Variants in SEMA5B observed in about 807,000 individuals in gnomAD.
SEMA5B encodes the protein semaphorin 5B.
A neutral mutation model predicts 135.0 loss-of-function variants in SEMA5B; 66 were observed. That is an observed-to-expected ratio of 0.49 (90% confidence interval 0.40 to 0.60). The LOEUF (loss-of-function observed/expected upper bound fraction) is 0.60, where lower values mean the gene tolerates loss of function less well. Among genes scored for constraint, SEMA5B ranks in the 20% least tolerant of loss-of-function variants. The pLI, the probability that SEMA5B is intolerant of heterozygous loss-of-function variation, is 0.00. For missense variants in SEMA5B, 1,501 were observed against 1,566.3 expected (o/e 0.96, Z 0.70); for synonymous variants, 690 against 639.5 (o/e 1.08, Z -1.19).
At chr3:122,999,608 ATGAGCCTCTACCTCC>A (rs1458903625) in intron 1 of SEMA5B, among the ~76,000 whole-genome samples, 1 of 151,956 alleles carries the variant, frequency 6.6e-6, no homozygotes. Flanking sequence ...GTAACCACAA[ATGAGCCTCTACCTCC>A]TGGGGCTGAG....
chr3:123,013,877 A>G (rs1418618204), intron 1 of SEMA5B, among the ~76,000 whole-genome samples: 1 of 152,228 alleles, frequency 6.6e-6, no homozygotes, highest in Non-Finnish European at 1.5e-5. Flanking sequence ...GCTGCTGCTC[A>G]TCGATCTGGG....
chr3:122,919,875 G>A (rs1938262693), intron 12 of SEMA5B, among the ~76,000 whole-genome samples: 1 of 152,140 alleles, frequency 6.6e-6, no homozygotes, highest in African/African-American at 2.4e-5. Context: ...TTTGTGCCTT[G>A]CTCCAGGGCA....
chr3:122,994,394 T>C (rs1941972893), intron 1 of SEMA5B, among the ~76,000 whole-genome samples: 2 of 152,218 alleles, frequency 1.3e-5, no homozygotes, highest in Admixed American at 1.3e-4. Flanking sequence ...CCTCCTTCTT[T>C]GCAAACAATT....
intron 1 of SEMA5B, among the ~76,000 whole-genome samples, chr3:122,995,687 A>G (rs1371317449): frequency 6.6e-6 from 1 of 152,092 alleles, no homozygotes; most frequent in Non-Finnish European, 1.5e-5. Flanking sequence ...TCATGGGGAG[A>G]TCATGGCTGG....
chr3:122,924,224 C>T (rs1365816359), intron 9 of SEMA5B, among the ~76,000 whole-genome samples: 2 of 152,170 alleles, frequency 1.3e-5, no homozygotes, highest in Non-Finnish European at 2.9e-5. Flanking sequence ...TATGCCATAG[C>T]CTGCCACACC....
chr3:122,996,150 G>T (rs554351455), intron 1 of SEMA5B, among the ~76,000 whole-genome samples: 1 of 152,240 alleles, frequency 6.6e-6, no homozygotes, highest in African/African-American at 2.4e-5. Flanking sequence ...GCCTAAGAGG[G>T]TCCCAAGGGA....
At chr3:122,996,856 AG>A (rs1181537551) in intron 1 of SEMA5B, among the ~76,000 whole-genome samples, 1 of 152,186 alleles carries the variant, frequency 6.6e-6, no homozygotes, top group African/African-American at 2.4e-5. Context: ...GCACAGGCAA[AG>A]ATCCTTCAGC....
At chr3:122,937,126 G>A (rs1197028241) in intron 5 of SEMA5B, among the ~76,000 whole-genome samples, 1 of 152,188 alleles carries the variant, frequency 6.6e-6, no homozygotes, top group Non-Finnish European at 1.5e-5. Flanking sequence ...CCAGGCCACA[G>A]GGAGAGTAGA....
At chr3:123,019,068 C>T (rs1211945425) in intron 1 of SEMA5B, among the ~76,000 whole-genome samples, 1 of 152,172 alleles carries the variant, frequency 6.6e-6, no homozygotes, top group Non-Finnish European at 1.5e-5. Context: ...TGCCCCTCTT[C>T]TGCTGGAGAA....
intron 1 of SEMA5B, among the ~76,000 whole-genome samples, chr3:122,988,389 A>G (rs545284046): frequency 6.6e-6 from 1 of 152,316 alleles, no homozygotes; most frequent in East Asian, 1.9e-4. Context: ...CTAAAATCAA[A>G]CACCGTCTGT....
At chr3:122,949,178 A>G (rs1042820018) in intron 2 of SEMA5B, among the ~76,000 whole-genome samples, 1 of 152,216 alleles carries the variant, frequency 6.6e-6, no homozygotes, top group African/African-American at 2.4e-5. Flanking sequence ...ATATCTTGGC[A>G]TGGGAAACCA....
chr3:122,973,673 A>T (rs936062660), intron 1 of SEMA5B, among the ~76,000 whole-genome samples: 6 of 152,086 alleles, frequency 3.9e-5, no homozygotes, highest in Non-Finnish European at 8.8e-5. Context: ...TCTGTGTTGG[A>T]GCTGAACGAT....
At position 123,005,204 on chromosome 3, in the gene SEMA5B, C is replaced by T. The variant is rs528123581; in HGVS notation, c.-39+22260G>A. Among the ~76,000 whole-genome samples, 84 of 152,244 alleles carry T rather than the reference C, an allele frequency of 5.5e-4. 1 individual carries two copies. The highest frequency in any genetic ancestry group is 2.0e-3 in the African/African-American group (83 of 41,522). ...CTGCCCACAGCCTTCCTCCACCTGTCCCCACCCCTGACAGCATCAGGGTCC... is the reference window on the plus strand; with the variant it reads ...CTGCCCACAGCCTTCCTCCACCTGTTCCCACCCCTGACAGCATCAGGGTCC... On this transcript the variant is annotated intron_variant, in intron 1 of 22. Coordinates refer to ENST00000357599, the MANE Select transcript of SEMA5B (RefSeq NM_001031702.4).
At chr3:123,021,589 G>A (rs1185276818) in intron 1 of SEMA5B, among the ~76,000 whole-genome samples, 2 of 152,146 alleles carry the variant, frequency 1.3e-5, no homozygotes, top group African/African-American at 4.8e-5. Context: ...CAATGGCTAG[G>A]GCAGTAGGGA....
chr3:122,936,523 T>C (rs1323839211), intron 5 of SEMA5B, among the ~76,000 whole-genome samples: 1 of 152,198 alleles, frequency 6.6e-6, no homozygotes, highest in East Asian at 1.9e-4. Flanking sequence ...CAGTCCTCGT[T>C]TCTGCCTCGC....
intron 1 of SEMA5B, among the ~76,000 whole-genome samples, chr3:122,992,000 A>G (rs1941894722): frequency 6.6e-6 from 1 of 152,098 alleles, no homozygotes; most frequent in South Asian, 2.1e-4. Context: ...GACCTCCTAG[A>G]TCTCCTTATT....
intron 2 of SEMA5B, among the ~76,000 whole-genome samples, chr3:122,949,599 T>TA (rs1354578603): frequency 6.6e-6 from 1 of 152,228 alleles, no homozygotes; most frequent in East Asian, 1.9e-4. Context: ...TCCTTTATAA[T>TA]ACTAACAAAT....
At chr3:122,993,425 G>A (rs1424738189) in intron 1 of SEMA5B, among the ~76,000 whole-genome samples, 1 of 152,174 alleles carries the variant, frequency 6.6e-6, no homozygotes, top group East Asian at 1.9e-4. Flanking sequence ...ATTTATCCTC[G>A]TGGGGTGGAT....
Position 122,913,192 on chromosome 3 carries a change from G to C in SEMA5B, c.2506+7C>G, listed in dbSNP as rs1445232409. ...AGAGGAAGGAGGGGGCGCCGGGCGC[G>C]GGGTACCGTCGGTGTCGCAGGAGCC... On this transcript the variant is annotated splice_region_variant and intron_variant, in intron 17 of 22. Transcript: ENST00000357599. 1.9e-5 allele frequency: 30 copies of C among 1,555,502 alleles called. No individual in the cohort carries two copies. The highest frequency in any genetic ancestry group is 2.5e-5 in the Non-Finnish European group (29 of 1,160,718).
Sources: allele counts gnomAD v4.1 joint callset (sites outside exome capture counted in the v4.1 genomes callset), GRCh38; gene constraint gnomAD v4.1.1; transcripts MANE v1.5; gene names NCBI Gene and HGNC (gene_info 2026-07-23, HGNC 2026-07-21).